The following ADGRL3 variants were observed in gnomAD, a reference collection of about 807,000 sequenced individuals.
ADGRL3 encodes calcium-independent alpha-latrotoxin receptor 3.
Under a neutral mutation model 153.5 loss-of-function variants are expected in ADGRL3, and 62 were observed. That is an observed-to-expected ratio of 0.40 (90% confidence interval 0.33 to 0.50). The LOEUF (loss-of-function observed/expected upper bound fraction) is 0.50, where lower values mean the gene tolerates loss of function less well. Among genes scored for constraint, ADGRL3 ranks in the 20% least tolerant of loss-of-function variants. ADGRL3 has a pLI of 0.47. For synonymous variants in ADGRL3, 710 were observed against 672.5 expected, an observed-to-expected ratio of 1.06 and a Z score of -0.86; for missense variants, 1,641 against 1,859.4, an observed-to-expected ratio of 0.88 and a Z score of 2.16.
At position 61,653,164 on chromosome 4, in the gene ADGRL3, TCTCTCTCACA is replaced by T. The variant is rs1288397138; in HGVS notation, c.474-23660_474-23651del. Among the ~76,000 whole-genome samples the T allele has an allele frequency of 5.2e-4, 56 of 107,540 alleles. 1 individual carries two copies. The South Asian group carries it at 0.015, about 29-fold the overall frequency. The allele number at this position is 107,540 out of a possible 152,430, so 70.6% of individuals were successfully genotyped here. ...CTCTCTCTCTCTGTCTCTCTCTCTC[TCTCTCTCACA>T]CACACACACACACACACACACACAC... is the stretch of plus-strand genomic sequence containing the variant. On this transcript the variant is annotated intron_variant, in intron 5 of 26. Coordinates refer to ENST00000683033, the MANE Select transcript of ADGRL3 (RefSeq NM_001387552.1).
intron 5 of ADGRL3, among the ~76,000 whole-genome samples, chr4:61,666,755 C>T (rs756911738): frequency 3.3e-5 from 5 of 152,062 alleles, no homozygotes; most frequent in Admixed American, 2.6e-4. Flanking sequence ...TTATTTGCTG[C>T]ACTTTCAGAT....
chr4:61,923,522 C>A (rs1311033650), intron 13 of ADGRL3, among the ~76,000 whole-genome samples: 2 of 151,908 alleles, frequency 1.3e-5, no homozygotes, highest in Non-Finnish European at 2.9e-5. Flanking sequence ...TAACTGGCTC[C>A]TCCTCGGATC....
At position 61,393,179 on chromosome 4, in the gene ADGRL3, T is replaced by TA. The variant is rs562959629; in HGVS notation, c.-174+9997dup. 9.2e-5 allele frequency among the ~76,000 whole-genome samples: 14 copies of TA among 152,176 alleles called. No homozygotes were observed. The East Asian group carries it at 2.5e-3, about 27-fold the overall frequency. On this transcript the variant is annotated intron_variant, in intron 2 of 26. Coordinates refer to ENST00000683033, the MANE Select transcript of ADGRL3 (RefSeq NM_001387552.1). ...TTATCCATAAATGACCTTCTTGATC[T>TA]AAAAAAATATGATGTTGCAATTCTG...
intron 1 of ADGRL3, among the ~76,000 whole-genome samples, chr4:61,278,077 G>A (rs1293186606): frequency 6.6e-6 from 1 of 152,104 alleles, no homozygotes; most frequent in Non-Finnish European, 1.5e-5. Context: ...GTAAAATTGG[G>A]TAATGTTTCC....
In ADGRL3 at chr4:61,542,528, C is replaced by T. The variant is rs1280839198; in HGVS notation, c.259+25010C>T. 2.6e-5 allele frequency among the ~76,000 whole-genome samples: 4 copies of T among 152,124 alleles called. 1 individual carries two copies. The highest frequency in any genetic ancestry group is 2.1e-4 in the South Asian group (1 of 4,824). On this transcript the variant is annotated intron_variant, in intron 4 of 26. Coordinates refer to ENST00000683033, the MANE Select transcript of ADGRL3 (RefSeq NM_001387552.1). ...CTATGAAGGCTTGCATGTATTTTCT[C>T]GTTTTATCCATGCATTTATTTCTTT... is the stretch of plus-strand genomic sequence containing the variant.
intron 4 of ADGRL3, among the ~76,000 whole-genome samples, chr4:61,577,228 G>T (rs1560871739): frequency 6.9e-6 from 1 of 145,524 alleles, no homozygotes; most frequent in Non-Finnish European, 1.5e-5. Flanking sequence ...AATGGGGGGG[G>T]GATGAGGGAG....
intron 5 of ADGRL3, among the ~76,000 whole-genome samples, chr4:61,632,728 C>T (rs2093239228): frequency 6.6e-6 from 1 of 151,960 alleles, no homozygotes; most frequent in Non-Finnish European, 1.5e-5. Flanking sequence ...TTATTGTTTC[C>T]TTATAAAGTA....
At chr4:61,457,719 G>C (rs984783200) in intron 2 of ADGRL3, among the ~76,000 whole-genome samples, 2 of 151,852 alleles carry the variant, frequency 1.3e-5, no homozygotes, top group African/African-American at 2.4e-5. Context: ...GCTACTATGT[G>C]CTTGAGCTTT....
At chr4:61,619,516 T>TACACAC (rs34015455) in intron 5 of ADGRL3, among the ~76,000 whole-genome samples, 118 of 149,530 alleles carry the variant, frequency 7.9e-4, no homozygotes, top group East Asian at 3.2e-3. Context: ...GAATGTGAGA[T>TACACAC]ACACACACAC....
intron 20 of ADGRL3, among the ~76,000 whole-genome samples, chr4:61,997,029 A>G (rs757024294): frequency 5.9e-5 from 9 of 152,118 alleles, no homozygotes; most frequent in Non-Finnish European, 4.4e-5. Context: ...GACTTTGGAT[A>G]AATATAGGTC....
intron 1 of ADGRL3, among the ~76,000 whole-genome samples, chr4:61,329,745 G>A (rs962813187): frequency 1.4e-4 from 22 of 152,134 alleles, no homozygotes; most frequent in African/African-American, 5.3e-4. Context: ...TGCATAGGAT[G>A]TAGATATTTA....
chr4:61,580,427 T>C (rs143479303), intron 4 of ADGRL3, among the ~76,000 whole-genome samples: 1 of 152,234 alleles, frequency 6.6e-6, no homozygotes, highest in East Asian at 1.9e-4. Context: ...TCATTCATAA[T>C]ATTTTTCTTT....
At chr4:61,414,632 A>G (rs180776687) in intron 2 of ADGRL3, among the ~76,000 whole-genome samples, 1 of 152,092 alleles carries the variant, frequency 6.6e-6, no homozygotes, top group East Asian at 1.9e-4. Flanking sequence ...TATTAAGGAA[A>G]AGGAGGAGAC....
chr4:61,395,874 T>C (rs1004989487), intron 2 of ADGRL3, among the ~76,000 whole-genome samples: 3 of 151,952 alleles, frequency 2.0e-5, no homozygotes, highest in Admixed American at 1.3e-4. Flanking sequence ...ATAGCTGAAC[T>C]GTTAATGTAG....
At chr4:61,434,254 G>A (rs2097414540) in intron 2 of ADGRL3, among the ~76,000 whole-genome samples, 1 of 152,048 alleles carries the variant, frequency 6.6e-6, no homozygotes, top group Non-Finnish European at 1.5e-5. Flanking sequence ...CTATGATAAT[G>A]AGGTCTGCAA....
chr4:61,763,577 T>G (rs2152226952), intron 8 of ADGRL3, among the ~76,000 whole-genome samples: 1 of 152,294 alleles, frequency 6.6e-6, no homozygotes, highest in African/African-American at 2.4e-5. Flanking sequence ...TATATGCTAT[T>G]TCCTCACGGT....
At chr4:61,540,183 C>A (rs2098681421) in intron 4 of ADGRL3, among the ~76,000 whole-genome samples, 1 of 152,174 alleles carries the variant, frequency 6.6e-6, no homozygotes, top group African/African-American at 2.4e-5. Flanking sequence ...TATTTCAGCT[C>A]AGGGAATCTT....
intron 1 of ADGRL3, among the ~76,000 whole-genome samples, chr4:61,248,221 T>G (rs568043185): frequency 1.1e-4 from 16 of 152,190 alleles, no homozygotes; most frequent in Admixed American, 2.6e-4. Context: ...CTCATAGATT[T>G]TCAGATTATC....
intron 15 of ADGRL3, among the ~76,000 whole-genome samples, chr4:61,945,900 G>A (rs1488024935): frequency 2.6e-5 from 4 of 152,096 alleles, no homozygotes; most frequent in African/African-American, 9.7e-5. Flanking sequence ...CGTCTTCTGC[G>A]TCGCTCACGC....
Sources: allele counts gnomAD v4.1 joint callset (sites outside exome capture counted in the v4.1 genomes callset), GRCh38; gene constraint gnomAD v4.1.1; transcripts MANE v1.5; gene names NCBI Gene and HGNC (gene_info 2026-07-23, HGNC 2026-07-21).